Variants in TRIM36 observed in about 807,000 individuals in gnomAD.
The protein encoded by TRIM36 is tripartite motif containing 36.
In TRIM36, 42 loss-of-function variants were observed where a neutral mutation model predicts 72.4. The observed-to-expected ratio is 0.58, with a 90% CI of 0.45 to 0.75. TRIM36 has a LOEUF of 0.75. Among genes scored for constraint, TRIM36 ranks in the 30% least tolerant of loss-of-function variants. TRIM36 has a pLI of 0.00. For synonymous variants in TRIM36, 315 were observed against 282.8 expected, an observed-to-expected ratio of 1.11 and a Z score of -1.14; for missense variants, 913 against 857.1, an observed-to-expected ratio of 1.07 and a Z score of -0.81.
intron 9 of TRIM36, among the ~76,000 whole-genome samples, chr5:115,129,799 T>C (rs1281025194): frequency 6.6e-6 from 1 of 152,168 alleles, no homozygotes; most frequent in East Asian, 1.9e-4. Context: ...TTGAAACATG[T>C]TCCCCATTTT....
At chr5:115,131,692 A>C (rs978163881) in intron 8 of TRIM36, among the ~76,000 whole-genome samples, 3 of 152,200 alleles carry the variant, frequency 2.0e-5, no homozygotes, top group African/African-American at 7.2e-5. Context: ...ATACATTTGG[A>C]TACATGCTAC....
intron 1 of TRIM36, among the ~76,000 whole-genome samples, chr5:115,166,872 GCCA>G (rs1164043388): frequency 6.6e-6 from 1 of 152,014 alleles, no homozygotes; most frequent in Non-Finnish European, 1.5e-5. Context: ...ACCTGTTCCA[GCCA>G]CAGCAAGGAG....
chr5:115,179,939 G>A, intron 1 of TRIM36: 1 of 1,605,654 alleles, frequency 6.2e-7, no homozygotes, highest in Non-Finnish European at 8.5e-7. Context: ...CGGAGTCGGG[G>A]GCCCAGGCCG....
intron 7 of TRIM36, among the ~76,000 whole-genome samples, chr5:115,134,744 G>C (rs1276802168): frequency 6.6e-6 from 1 of 152,058 alleles, no homozygotes; most frequent in Non-Finnish European, 1.5e-5. Flanking sequence ...GTTTCACCGT[G>C]TTAGCCAGGA....
At chr5:115,150,458 G>A (rs1179047557) in intron 2 of TRIM36, among the ~76,000 whole-genome samples, 2 of 152,308 alleles carry the variant, frequency 1.3e-5, no homozygotes, top group South Asian at 2.1e-4. Flanking sequence ...ATAGTAGAAA[G>A]TTCTATTGCA....
chr5:115,171,473 C>T (rs997009643), upstream of TRIM36, among the ~76,000 whole-genome samples: 1 of 151,844 alleles, frequency 6.6e-6, no homozygotes, highest in Non-Finnish European at 1.5e-5. Flanking sequence ...AATTAGGTGC[C>T]TATATATATA....
At position 115,134,141 on chromosome 5, in the gene TRIM36, T is replaced by A. The variant is rs1481725486; in HGVS notation, c.1217A>T (p.Asp406Val). ...CTGTTCCTCATTGATCTCTGGCACG[T>A]CTATGCCTGAAAGAATTATGAAATA... ...GELSFFSSGI[D>V]VPEINEEQSK... The change falls in exon 8 of 10, where the codon GAC becomes GTC. Residue 406 changes from aspartate to valine, a missense_variant. Coordinates refer to ENST00000513154, the MANE Select transcript of TRIM36 (RefSeq NM_001300759.2). The A allele has an allele frequency of 6.4e-7, 1 of 1,562,650 alleles. No homozygotes were observed. The highest frequency in any genetic ancestry group is 8.6e-7 in the Non-Finnish European group (1 of 1,157,480).
At chr5:115,141,934 T>A (rs1753298114) in intron 4 of TRIM36, among the ~76,000 whole-genome samples, 1 of 152,164 alleles carries the variant, frequency 6.6e-6, no homozygotes, top group South Asian at 2.1e-4. Context: ...AATCTGTCTG[T>A]AAGGAAGACC....
rs1409143186 is a variant in TRIM36 at position 115,126,696 on chromosome 5, C to G, written c.1958G>C (p.Ser653Thr). 10 of 1,614,156 alleles carry G rather than the reference C, an allele frequency of 6.2e-6. 1 individual carries two copies. The East Asian group carries it at 1.6e-4, about 25-fold the overall frequency. ...ATCACAGTCAAGGAAAATCCCAATA[C>G]TTGTTGGCATAGGGAGAACTCTATT... ...PENRVLPMPT[S>T]IGIFLDCDKG... The change falls in exon 10 of 10, where the codon AGT becomes ACT. Residue 653 changes from serine to threonine, a missense_variant. Ser to Thr is a moderately conservative substitution (Grantham distance 58). Transcript: ENST00000513154.
intron 2 of TRIM36, among the ~76,000 whole-genome samples, chr5:115,155,315 T>G (rs1456322850): frequency 3.9e-5 from 6 of 152,160 alleles, no homozygotes; most frequent in African/African-American, 1.2e-4. Flanking sequence ...ACCACTGCAC[T>G]TCAGCCTGGG....
chr5:115,135,531 G>C (rs576463670), intron 7 of TRIM36, among the ~76,000 whole-genome samples: 4 of 150,438 alleles, frequency 2.7e-5, no homozygotes, highest in Non-Finnish European at 4.4e-5. Context: ...CCATCAGCCA[G>C]AAGCTAGGTG....
intron 2 of TRIM36, among the ~76,000 whole-genome samples, chr5:115,152,165 T>A (rs1379826298): frequency 6.6e-6 from 1 of 152,020 alleles, no homozygotes; most frequent in African/African-American, 2.4e-5. Context: ...ATAGATAGCA[T>A]AAATAAAAAA....
At chr5:115,128,162 G>A (rs1752454906) in intron 9 of TRIM36, among the ~76,000 whole-genome samples, 1 of 151,752 alleles carries the variant, frequency 6.6e-6, no homozygotes, top group Non-Finnish European at 1.5e-5. Flanking sequence ...CGGATCACCT[G>A]AGGTCGGGAC....
At chr5:115,148,405 T>A in intron 2 of TRIM36, 3 of 914,462 alleles carry the variant, frequency 3.3e-6, no homozygotes, top group South Asian at 1.0e-4. Flanking sequence ...CCCTCATTTG[T>A]AAATCTGTTC....
intron 9 of TRIM36, 80 bp from the exon 10 acceptor site, chr5:115,126,937 T>G (rs1029755251): frequency 7.6e-7 from 1 of 1,311,810 alleles, no homozygotes; most frequent in African/African-American, 1.5e-5. Context: ...ATAATATACA[T>G]TGATGTAAAG....
At chr5:115,178,384 C>T (rs1755444605) in intron 1 of TRIM36, among the ~76,000 whole-genome samples, 1 of 152,196 alleles carries the variant, frequency 6.6e-6, no homozygotes, top group Non-Finnish European at 1.5e-5. Context: ...TAGGCATTCC[C>T]CTAGACCTGG....
At chr5:115,148,199 AG>A in intron 2 of TRIM36, 1 of 352,780 alleles carries the variant, frequency 2.8e-6, no homozygotes, top group Non-Finnish European at 4.0e-6. Context: ...TAACTCAGTA[AG>A]CCAAAAGTTA....
chr5:115,155,983 A>G (rs568112951), intron 2 of TRIM36, among the ~76,000 whole-genome samples: 1 of 152,368 alleles, frequency 6.6e-6, no homozygotes, highest in African/African-American at 2.4e-5. Context: ...AATGTACACA[A>G]ATCAGTAGCT....
chr5:115,169,985 A>G, upstream of TRIM36: 2 of 1,125,224 alleles, frequency 1.8e-6, no homozygotes, highest in South Asian at 4.1e-5. Context: ...GTCGTTGCCC[A>G]GGCAACAGCG....
Sources: allele counts gnomAD v4.1 joint callset (sites outside exome capture counted in the v4.1 genomes callset), GRCh38; gene constraint gnomAD v4.1.1; transcripts MANE v1.5; gene names NCBI Gene and HGNC (gene_info 2026-07-23, HGNC 2026-07-21).